Variants in LRRIQ3 observed in about 807,000 individuals in gnomAD.
LRRIQ3 encodes leucine rich repeats and IQ motif containing 3, also known as leucine-rich repeat and IQ domain-containing protein 3.
Under a neutral mutation model 59.3 loss-of-function variants are expected in LRRIQ3, and 75 were observed. The observed-to-expected ratio is 1.26, with a 90% CI of 1.05 to 1.53. The LOEUF is 1.53. Among genes scored for constraint, LRRIQ3 ranks in the 40% most tolerant of loss-of-function variants. LRRIQ3 has a pLI of 0.00. For synonymous variants in LRRIQ3, 250 were observed against 231.3 expected (o/e 1.08, Z -0.73); for missense variants, 831 against 710.0 (o/e 1.17, Z -1.94).
chr1:74,171,447 T>C (rs187279778), intron 3 of LRRIQ3, among the ~76,000 whole-genome samples: 165 of 152,334 alleles, frequency 1.1e-3, no homozygotes, highest in African/African-American at 3.8e-3. Flanking sequence ...GTGCATCACA[T>C]TGATTGATTT....
At chr1:74,173,912 T>C (rs1343005671) in intron 3 of LRRIQ3, among the ~76,000 whole-genome samples, 2 of 152,022 alleles carry the variant, frequency 1.3e-5, no homozygotes, top group South Asian at 2.1e-4. Context: ...ACGTTTTGGG[T>C]TTTTTATTGT....
rs112966352 is a variant in LRRIQ3 at position 74,133,296 on chromosome 1, C to T, written c.707+22437G>A. On this transcript the variant is annotated intron_variant, in intron 4 of 7. Coordinates refer to ENST00000354431, the MANE Select transcript of LRRIQ3 (RefSeq NM_001105659.2). ...AAACAAGTTCAACCATTGTGGAAGACGGTGTAGCGATTCCTCAGGGATCTA... is the reference window on the plus strand; with the variant it reads ...AAACAAGTTCAACCATTGTGGAAGATGGTGTAGCGATTCCTCAGGGATCTA... 9.7e-4 allele frequency among the ~76,000 whole-genome samples: 147 copies of T among 152,226 alleles called. 1 individual carries two copies. The highest frequency in any genetic ancestry group is 2.9e-3 in the African/African-American group (119 of 41,498).
chr1:74,058,199 T>G (rs1654594461), intron 6 of LRRIQ3, among the ~76,000 whole-genome samples: 1 of 152,070 alleles, frequency 6.6e-6, no homozygotes, highest in African/African-American at 2.4e-5. Context: ...AAGTATCATA[T>G]GATCCAGCAG....
At chr1:74,084,053 ACTTAT>A in intron 5 of LRRIQ3, 1 of 840,026 alleles carries the variant, frequency 1.2e-6, no homozygotes, top group Non-Finnish European at 1.7e-6. Context: ...TCAACTTTAC[ACTTAT>A]CTTGTGTGTA....
intron 7 of LRRIQ3, among the ~76,000 whole-genome samples, chr1:74,027,679 C>T (rs1041755725): frequency 6.6e-6 from 1 of 152,044 alleles, no homozygotes. Flanking sequence ...AATACCCTGC[C>T]AAACCGGGGA....
At chr1:74,131,988 A>G (rs1329198512) in intron 4 of LRRIQ3, among the ~76,000 whole-genome samples, 1 of 152,166 alleles carries the variant, frequency 6.6e-6, no homozygotes, top group Non-Finnish European at 1.5e-5. Flanking sequence ...CCATTGTCTC[A>G]GCACAAAATC....
chr1:74,074,012 TGAAA>T (rs1036165716), intron 6 of LRRIQ3, among the ~76,000 whole-genome samples: 9 of 152,130 alleles, frequency 5.9e-5, no homozygotes, highest in African/African-American at 2.2e-4. Context: ...GACCAAAGTC[TGAAA>T]GAAATTTAAT....
At chr1:74,190,703 T>C (rs1275589115) in intron 1 of LRRIQ3, among the ~76,000 whole-genome samples, 1 of 150,706 alleles carries the variant, frequency 6.6e-6, no homozygotes, top group Non-Finnish European at 1.5e-5. Flanking sequence ...AAAAACAACC[T>C]CACACCTAGA....
At chr1:74,028,441 T>C (rs893657569) in intron 7 of LRRIQ3, among the ~76,000 whole-genome samples, 45 of 152,106 alleles carry the variant, frequency 3.0e-4, no homozygotes, top group Admixed American at 1.8e-3. Flanking sequence ...GAATGCCTAA[T>C]ATTAAATAAT....
At chr1:74,056,363 T>C (rs1654536712) in intron 6 of LRRIQ3, among the ~76,000 whole-genome samples, 2 of 152,092 alleles carry the variant, frequency 1.3e-5, no homozygotes, top group South Asian at 2.1e-4. Flanking sequence ...TACTAGAAGT[T>C]GCAGCCAGAG....
At chr1:74,156,388 T>C (rs976267166) in intron 3 of LRRIQ3, among the ~76,000 whole-genome samples, 7 of 152,276 alleles carry the variant, frequency 4.6e-5, no homozygotes, top group African/African-American at 1.4e-4. Context: ...TATTTCTTTA[T>C]AGCAATGAAA....
intron 5 of LRRIQ3, among the ~76,000 whole-genome samples, chr1:74,105,445 G>T (rs1646597820): frequency 2.0e-5 from 3 of 151,622 alleles, no homozygotes; most frequent in Admixed American, 6.6e-5. Context: ...AGAGATGGGG[G>T]TCTCACAATG....
At position 74,155,878 on chromosome 1, in the gene LRRIQ3, A is replaced by G; in HGVS notation, c.574-12T>C. ...TCATAGGTTGTTCCCTGTATAAAGA[A>G]AATATAATTAATAATTTTTATCTTT... On this transcript the variant is annotated splice_polypyrimidine_tract_variant and intron_variant, in intron 3 of 7. Transcript: ENST00000354431. The G allele has an allele frequency of 8.2e-7, 1 of 1,218,118 alleles. No homozygotes were observed. The highest frequency in any genetic ancestry group is 1.1e-6 in the Non-Finnish European group (1 of 901,994). The allele number at this position is 1,218,118 out of a possible 1,614,324, so 75.5% of individuals were successfully genotyped here.
chr1:74,059,249 CT>C (rs1324854266), intron 6 of LRRIQ3, among the ~76,000 whole-genome samples: 12 of 151,794 alleles, frequency 7.9e-5, no homozygotes, highest in Non-Finnish European at 1.5e-5. Flanking sequence ...TATTTGCTTC[CT>C]TTTTTTCCTT....
chr1:74,057,741 T>C (rs1345535647), intron 6 of LRRIQ3, among the ~76,000 whole-genome samples: 1 of 152,022 alleles, frequency 6.6e-6, no homozygotes, highest in Admixed American at 6.6e-5. Flanking sequence ...AATAGACAAA[T>C]GGGATTACAC....
chr1:74,172,196 C>A (rs569979172), intron 3 of LRRIQ3, among the ~76,000 whole-genome samples: 23 of 152,092 alleles, frequency 1.5e-4, no homozygotes, highest in African/African-American at 5.5e-4. Context: ...TGGTTGAGAT[C>A]ATTTTTTCTT....
In LRRIQ3 at chr1:74,026,976, G is replaced by A; in HGVS notation, c.1719-7C>T. The A allele has an allele frequency of 1.3e-6, 2 of 1,497,962 alleles. No homozygotes were observed. The highest frequency in any genetic ancestry group is 2.4e-5 in the South Asian group (2 of 82,322). 92.8% of individuals were successfully genotyped at this position (1,497,962 alleles called of 1,614,324 possible). A position where few individuals can be genotyped will look rare whatever the true frequency, so the allele number is the denominator to read the frequency against. Reference sequence around the variant, plus strand: ...TTTATATATTTCTTGAGATCTAAGAGGAGAAAGAAAGGTAATAGAATGAGA... The same window carrying A: ...TTTATATATTTCTTGAGATCTAAGAAGAGAAAGAAAGGTAATAGAATGAGA... On this transcript the variant is annotated splice_region_variant and splice_polypyrimidine_tract_variant and intron_variant, in intron 7 of 7. Transcript: ENST00000354431.
At chr1:74,172,040 T>C (rs1255119559) in intron 3 of LRRIQ3, among the ~76,000 whole-genome samples, 6 of 152,096 alleles carry the variant, frequency 3.9e-5, no homozygotes, top group African/African-American at 1.4e-4. Context: ...GTCTATCTTG[T>C]TTGTCTTTTT....
intron 7 of LRRIQ3, among the ~76,000 whole-genome samples, chr1:74,031,982 A>C (rs1038595101): frequency 2.6e-5 from 4 of 151,994 alleles, no homozygotes; most frequent in Non-Finnish European, 5.9e-5. Flanking sequence ...GAAATTTAAA[A>C]AGATCTAAAT....
Sources: gnomAD v4.1 joint callset for allele counts (sites outside exome capture counted in the v4.1 genomes callset) on GRCh38, gnomAD v4.1.1 for gene constraint, MANE v1.5 for transcripts, NCBI Gene and HGNC (gene_info 2026-07-23, HGNC 2026-07-21) for gene names.